The following CCDC38 variants were observed in gnomAD, a reference collection of about 807,000 sequenced individuals.
CCDC38 encodes coiled-coil domain containing 38.
A neutral mutation model predicts 72.8 loss-of-function variants in CCDC38; 69 were observed. The ratio of observed to expected loss-of-function variants is 0.95; its 90% CI spans 0.78 to 1.16. CCDC38 has a LOEUF of 1.16. CCDC38 is among the 50% of genes most tolerant of loss of function. The pLI, the probability that CCDC38 is intolerant of heterozygous loss-of-function variation, is 0.00. For synonymous variants in CCDC38, 201 were observed against 213.2 expected, an observed-to-expected ratio of 0.94 and a Z score of 0.50; for missense variants, 626 against 638.9, an observed-to-expected ratio of 0.98 and a Z score of 0.22.
intron 2 of CCDC38, chr12:95,934,580 C>A (rs1217034366): frequency 2.6e-5 from 4 of 151,562 alleles, no homozygotes; most frequent in African/African-American, 7.3e-5. Flanking sequence ...AATATAAATC[C>A]TTTAATTAAA....
At chr12:95,899,263 T>G (rs574023509) in intron 5 of CCDC38, among the ~76,000 whole-genome samples, 1 of 152,346 alleles carries the variant, frequency 6.6e-6, no homozygotes, top group East Asian at 1.9e-4. Flanking sequence ...CTTCTATTTT[T>G]TTAGTACAGA....
Position 95,895,009 on chromosome 12 carries a change from A to G in CCDC38, c.752T>C (p.Ile251Thr). 6.2e-7 allele frequency: 1 copy of G among 1,607,742 alleles called. No individual in the cohort carries two copies. Among genetic ancestry groups the G allele is most frequent in the South Asian group, 1.1e-5 (1 of 89,334 alleles). ...CTTACTTGCTAATATTTTTGGAAGG[A>G]TGATATTTGCTTTACTTTTTGATGC... ...AQASKSKANIILPKILAKLSL... is the reference protein window; with the variant it reads ...AQASKSKANITLPKILAKLSL... Residue 251 changes from isoleucine (I) to threonine (T), a missense_variant, in exon 8 of 16, where the codon ATC (isoleucine) becomes ACC (threonine). Transcript: ENST00000344280.
chr12:95,936,156 G>T (rs10735337), intron 2 of CCDC38, among the ~76,000 whole-genome samples: 66,310 of 151,834 alleles, frequency 0.44, 14,889 homozygotes, highest in Admixed American at 0.55. Flanking sequence ...GAAAGGGTGG[G>T]AAAGGAAAGA....
intron 14 of CCDC38, among the ~76,000 whole-genome samples, chr12:95,871,036 A>G (rs917094991): frequency 6.6e-6 from 1 of 152,234 alleles, no homozygotes; most frequent in Non-Finnish European, 1.5e-5. Context: ...CTCACTCAGC[A>G]TGGTCTAATC....
At chr12:95,872,990 G>C (rs1204140914) in intron 13 of CCDC38, among the ~76,000 whole-genome samples, 1 of 152,126 alleles carries the variant, frequency 6.6e-6, no homozygotes, top group Non-Finnish European at 1.5e-5. Context: ...AAAATATACT[G>C]AACTCTAGAT....
intron 5 of CCDC38, among the ~76,000 whole-genome samples, chr12:95,904,192 AAT>A (rs2079978115): frequency 6.6e-6 from 1 of 152,174 alleles, no homozygotes; most frequent in Non-Finnish European, 1.5e-5. Context: ...ATAATATGTC[AAT>A]GTTAATAATT....
At position 95,898,375 on chromosome 12, in the gene CCDC38, C is replaced by T. The variant is rs2079913600; in HGVS notation, c.614+10G>A. The T allele has an allele frequency of 1.2e-6, 2 of 1,613,882 alleles. No homozygotes were observed. Among genetic ancestry groups the T allele is most frequent in the Non-Finnish European group, 1.7e-6 (2 of 1,179,942 alleles). On this transcript the variant is annotated intron_variant, in intron 7 of 15. Transcript: ENST00000344280. Reference sequence around the variant, plus strand: ...AAATTTGGCCACGAGAAGATTGTGCCCACCCTCACCTTTTCACTGCTTGTA... The same window carrying T: ...AAATTTGGCCACGAGAAGATTGTGCTCACCCTCACCTTTTCACTGCTTGTA...
At chr12:95,903,714 C>T (rs1339105335) in intron 5 of CCDC38, 3 of 377,790 alleles carry the variant, frequency 7.9e-6, no homozygotes, top group Non-Finnish European at 1.4e-5. Flanking sequence ...TGTTAAATTA[C>T]TTTTGTATTC....
intron 11 of CCDC38, among the ~76,000 whole-genome samples, chr12:95,880,236 A>G (rs1391045397): frequency 1.3e-5 from 2 of 152,194 alleles, no homozygotes; most frequent in African/African-American, 2.4e-5. Flanking sequence ...TTACTTGGGC[A>G]TTTGCACACC....
intron 2 of CCDC38, among the ~76,000 whole-genome samples, chr12:95,925,662 A>T (rs574874728): frequency 1.5e-4 from 23 of 152,282 alleles, no homozygotes; most frequent in Middle Eastern, 6.8e-3. Flanking sequence ...ATTCAGTATA[A>T]TATTGGCTGT....
intron 5 of CCDC38, among the ~76,000 whole-genome samples, chr12:95,901,338 TA>T (rs1305778013): frequency 1.3e-5 from 2 of 152,196 alleles, no homozygotes; most frequent in African/African-American, 4.8e-5. Flanking sequence ...AAGAGTATAT[TA>T]GGGGCGGAGT....
At chr12:95,874,414 T>TC (rs2079614527) in intron 13 of CCDC38, among the ~76,000 whole-genome samples, 1 of 152,160 alleles carries the variant, frequency 6.6e-6, no homozygotes, top group Non-Finnish European at 1.5e-5. Context: ...CCCCTTTTTT[T>TC]CTTAAATTCC....
chr12:95,939,159 A>G (rs1430788167), intron 1 of CCDC38, among the ~76,000 whole-genome samples: 1 of 152,188 alleles, frequency 6.6e-6, no homozygotes, highest in Non-Finnish European at 1.5e-5. Flanking sequence ...CCTCAGTTGC[A>G]TAGTATGTGC....
intron 4 of CCDC38, among the ~76,000 whole-genome samples, chr12:95,907,802 G>A (rs574041951): frequency 2.0e-5 from 3 of 151,288 alleles, no homozygotes; most frequent in Non-Finnish European, 3.0e-5. Context: ...CATCCCGGAC[G>A]GGGCGACAGG....
intron 5 of CCDC38, among the ~76,000 whole-genome samples, chr12:95,904,523 C>G (rs1257224470): frequency 6.6e-6 from 1 of 152,216 alleles, no homozygotes; most frequent in South Asian, 2.1e-4. Context: ...TAAGGCAGAG[C>G]CTGAGTAAGT....
At chr12:95,878,115 T>C in intron 13 of CCDC38, 96 bp downstream of exon 13, 2 of 1,387,330 alleles carry the variant, frequency 1.4e-6, no homozygotes, top group Non-Finnish European at 2.0e-6. Context: ...GACTTGTGAT[T>C]TGCTTTAACT....
At chr12:95,929,470 T>A (rs2080312850) in intron 2 of CCDC38, among the ~76,000 whole-genome samples, 1 of 152,130 alleles carries the variant, frequency 6.6e-6, no homozygotes, top group Non-Finnish European at 1.5e-5. Context: ...ACCCGGTACC[T>A]CAGATGGAAA....
chr12:95,895,247 A>AATTAT, intron 7 of CCDC38, 101 bp from the exon 8 acceptor site: 1 of 697,742 alleles, frequency 1.4e-6, no homozygotes, highest in Non-Finnish European at 2.2e-6. Context: ...TACTGAATTA[A>AATTAT]TAATTTAATT....
intron 4 of CCDC38, 91 bp from the exon 5 acceptor site, chr12:95,906,542 AGTAT>A: frequency 1.2e-6 from 1 of 852,482 alleles, no homozygotes; most frequent in Non-Finnish European, 1.9e-6. Context: ...ATTATTCTAC[AGTAT>A]GTATCTGATC....
Sources: allele counts gnomAD v4.1 joint callset (sites outside exome capture counted in the v4.1 genomes callset), GRCh38; gene constraint gnomAD v4.1.1; transcripts MANE v1.5; gene names NCBI Gene and HGNC (gene_info 2026-07-23, HGNC 2026-07-21).